ADAMTS14: variants seen among roughly 807,000 people sequenced by gnomAD.
ADAMTS14 encodes A disintegrin and metalloproteinase with thrombospondin motifs 14.
A neutral mutation model predicts 128.6 loss-of-function variants in ADAMTS14; 100 were observed. The ratio of observed to expected loss-of-function variants is 0.78; its 90% confidence interval spans 0.66 to 0.92. ADAMTS14 has a LOEUF of 0.92. Among genes scored for constraint, ADAMTS14 ranks in the 40% least tolerant of loss-of-function variants. ADAMTS14 has a pLI of 0.00. For synonymous variants in ADAMTS14, 665 were observed against 653.8 expected, an observed-to-expected ratio of 1.02 and a Z score of -0.26; for missense variants, 1,562 against 1,658.6, an observed-to-expected ratio of 0.94 and a Z score of 1.01.
At chr10:70,757,936 G>T in intron 19 of ADAMTS14, 26 bp from the exon 20 acceptor site, 1 of 1,585,336 alleles carries the variant, frequency 6.3e-7, no homozygotes. Context: ...CGGCCGCTAT[G>T]CCTGGCACTG....
Position 70,735,189 on chromosome 10 carries a change from A to ATGAC in ADAMTS14, c.1374_1377dup (p.Pro460Ter). ...GGCAGCTCCTACGACTGCCTCCTCG[A>ATGAC]TGACCCCTTTGATCCTGCCTGGCCC... On this transcript the variant is annotated frameshift_variant, in exon 9 of 22. Transcript: ENST00000373207. LOFTEE classifies it high-confidence loss of function. 1 of 1,613,150 alleles carries ATGAC rather than the reference A, an allele frequency of 6.2e-7. No individual in the cohort carries two copies. Among genetic ancestry groups the ATGAC allele is most frequent in the South Asian group, 1.1e-5 (1 of 90,802 alleles).
At chr10:70,718,120 C>T (rs1330605438) in intron 4 of ADAMTS14, among the ~76,000 whole-genome samples, 2 of 152,230 alleles carry the variant, frequency 1.3e-5, no homozygotes, top group African/African-American at 4.8e-5. Context: ...CATCATAAAG[C>T]CTGGTTTGGA....
chr10:70,732,453 G>C, intron 7 of ADAMTS14, 94 bp downstream of exon 7: 1 of 1,195,894 alleles, frequency 8.4e-7, no homozygotes, highest in Non-Finnish European at 1.2e-6. Context: ...AGCTTGGCCT[G>C]GTTCCAGTGT....
In ADAMTS14 at chr10:70,752,140, A is replaced by T; in HGVS notation, c.2642A>T (p.His881Leu). The T allele has an allele frequency of 6.2e-7, 1 of 1,613,360 alleles. No individual in the cohort carries two copies. Among genetic ancestry groups the T allele is most frequent in the Non-Finnish European group, 8.5e-7 (1 of 1,179,948 alleles). The change falls in exon 18 of 22, where the codon CAC (histidine) becomes CTC (leucine). Residue 881 changes from histidine (H) to leucine (L), a missense_variant. Coordinates refer to ENST00000373207, the MANE Select transcript of ADAMTS14 (RefSeq NM_080722.4). ...KYGCRRRRDH[H>L]MVQRHLCDHK... ...GGCTGCCGGCGCAGACGAGACCACC[A>T]CATGGTGCAGCGACACCTGTGTGAC... is the stretch of plus-strand genomic sequence containing the variant.
intron 2 of ADAMTS14, among the ~76,000 whole-genome samples, chr10:70,690,991 C>G (rs1244089738): frequency 6.9e-6 from 1 of 144,696 alleles, no homozygotes; most frequent in South Asian, 2.2e-4. Context: ...GCCTCAGAGC[C>G]GCTTGGCTCC....
intron 2 of ADAMTS14, among the ~76,000 whole-genome samples, chr10:70,678,785 G>A (rs10823596): frequency 0.46 from 69,342 of 151,918 alleles, 16,581 homozygotes; most frequent in Non-Finnish European, 0.51. Flanking sequence ...AGGAAGCTGG[G>A]ATGTGTAAGC....
intron 17 of ADAMTS14, 97 bp downstream of exon 17, chr10:70,751,743 C>A: frequency 6.9e-7 from 1 of 1,451,898 alleles, no homozygotes; most frequent in Non-Finnish European, 9.4e-7. Context: ...TTTGATGTGT[C>A]CTTGCTTATG....
In ADAMTS14 at chr10:70,744,076, G is replaced by A. The variant is rs1308312263; in HGVS notation, c.2069G>A (p.Cys690Tyr). ...CACCTCTGGCCTCAGCCTGTCGGCT[G>A]TGACAAGGAGGTGGGGTCCATGAAG... ...CARGECVPVG[C>Y]DKEVGSMKAD... Residue 690 changes from cysteine to tyrosine, a missense_variant, in exon 14 of 22, where the codon TGT becomes TAT. Transcript: ENST00000373207. The A allele has an allele frequency of 2.6e-6, 4 of 1,563,542 alleles. No homozygotes were observed. In the African/African-American group the frequency reaches 5.4e-5, roughly 21 times the overall value.
intron 16 of ADAMTS14, 125 bp downstream of exon 16, chr10:70,750,110 C>A: frequency 8.0e-7 from 1 of 1,257,014 alleles, no homozygotes; most frequent in Non-Finnish European, 1.1e-6. Context: ...AAGGGCAAGG[C>A]ACCTTCCATC....
intron 4 of ADAMTS14, among the ~76,000 whole-genome samples, chr10:70,721,643 T>C (rs1589298168): frequency 1.3e-5 from 2 of 152,182 alleles, no homozygotes; most frequent in Non-Finnish European, 2.9e-5. Flanking sequence ...CGCCTTGGCC[T>C]TCCAAAGTGC....
chr10:70,759,129 T>TTTTTTTTTTTTTTGAG (rs1485675752), intron 21 of ADAMTS14, among the ~76,000 whole-genome samples: 1 of 112,610 alleles, frequency 8.9e-6, no homozygotes, highest in South Asian at 2.9e-4. Context: ...TCCAATCTTC[T>TTTTTTTTTTTTTTGAG]ACTTCTCTGC....
At position 70,753,881 on chromosome 10, in the gene ADAMTS14, G is replaced by T; in HGVS notation, c.2811G>T (p.Leu937=). The stretch of plus-strand genomic sequence containing the variant: ...AGACACGGGGGATACAGTGCCTGCT[G>T]CCCCTCTCCAATGGAACCCACAAGG... The part of the protein sequence containing the change: ...GVQTRGIQCL[L]PLSNGTHKVM... Residue 937 remains leucine (L), a synonymous_variant, in exon 19 of 22, where the codon CTG becomes CTT. Transcript: ENST00000373207. The T allele has an allele frequency of 6.3e-7, 1 of 1,591,988 alleles. No homozygotes were observed. Among genetic ancestry groups the T allele is most frequent in the Non-Finnish European group, 8.5e-7 (1 of 1,170,358 alleles).
chr10:70,692,021 A>G (rs12571623), intron 2 of ADAMTS14, among the ~76,000 whole-genome samples: 34,904 of 151,746 alleles, frequency 0.23, 5,053 homozygotes, highest in East Asian at 0.72. Context: ...CAGGGTTTGG[A>G]TGAGTGGTTC....
chr10:70,734,086 G>A, intron 8 of ADAMTS14, 58 bp downstream of exon 8: 1 of 1,580,060 alleles, frequency 6.3e-7, no homozygotes, highest in Non-Finnish European at 8.6e-7. Context: ...GCCACTCTGA[G>A]CAGACATCAC....
chr10:70,676,136 T>G (rs1405293125), intron 2 of ADAMTS14, among the ~76,000 whole-genome samples: 3 of 152,202 alleles, frequency 2.0e-5, no homozygotes, highest in African/African-American at 7.2e-5. Context: ...TGAGGTTTTT[T>G]TTTTTTTTTA....
intron 9 of ADAMTS14, 148 bp from the exon 10 acceptor site, chr10:70,736,532 A>T: frequency 1.6e-6 from 1 of 621,892 alleles, no homozygotes; most frequent in Non-Finnish European, 2.6e-6. Flanking sequence ...AGTTGAGTAA[A>T]CTTGAAGCAG....
At chr10:70,707,527 C>T (rs920466028) in intron 3 of ADAMTS14, among the ~76,000 whole-genome samples, 1 of 152,186 alleles carries the variant, frequency 6.6e-6, no homozygotes, top group African/African-American at 2.4e-5. Flanking sequence ...CTCACTCCAC[C>T]GCCCCAGCAG....
At chr10:70,744,003 G>A in intron 13 of ADAMTS14, 63 bp from the exon 14 acceptor site, 19 of 1,529,154 alleles carry the variant, frequency 1.2e-5, no homozygotes, top group Non-Finnish European at 1.7e-5. Flanking sequence ...ATGGGAATGG[G>A]AGCCCCGGGG....
In ADAMTS14 at chr10:70,752,133, G is replaced by A; in HGVS notation, c.2635G>A (p.Asp879Asn). The change falls in exon 18 of 22, where the codon GAC (aspartate) becomes AAC (asparagine). Residue 879 changes from aspartate to asparagine, a missense_variant. By Grantham distance (23) the Asp-to-Asn change is conservative (BLOSUM62 1). Coordinates refer to ENST00000373207, the MANE Select transcript of ADAMTS14 (RefSeq NM_080722.4). ...CAAATACGGCTGCCGGCGCAGACGA[G>A]ACCACCACATGGTGCAGCGACACCT... ...FTKYGCRRRR[D>N]HHMVQRHLCD... 2.5e-6 allele frequency: 4 copies of A among 1,613,298 alleles called. No individual in the cohort carries two copies. The highest frequency in any genetic ancestry group is 2.5e-6 in the Non-Finnish European group (3 of 1,179,934).
Sources: gnomAD v4.1 joint callset for allele counts (sites outside exome capture counted in the v4.1 genomes callset) on GRCh38, gnomAD v4.1.1 for gene constraint, MANE v1.5 for transcripts, NCBI Gene and HGNC (gene_info 2026-07-23, HGNC 2026-07-21) for gene names.